The following CUL4A variants were observed in gnomAD, a reference collection of about 807,000 sequenced individuals.
CUL4A encodes the protein cullin 4A.
In CUL4A, 16 loss-of-function variants were observed where a neutral mutation model predicts 95.5. The observed-to-expected ratio is 0.17, with a 90% CI of 0.11 to 0.25. CUL4A has a LOEUF of 0.25. Ranked by LOEUF, CUL4A falls within the 10% of genes least tolerant of loss-of-function variation. CUL4A has a pLI of 1.00. For synonymous variants in CUL4A, 380 were observed against 353.1 expected, an observed-to-expected ratio of 1.08 and a Z score of -0.85; for missense variants, 610 against 937.0, an observed-to-expected ratio of 0.65 and a Z score of 4.56.
At chr13:113,214,157 C>T (rs986221974) in intron 2 of CUL4A, among the ~76,000 whole-genome samples, 3 of 152,184 alleles carry the variant, frequency 2.0e-5, no homozygotes, top group African/African-American at 7.2e-5. Context: ...GCTCACTCTC[C>T]CTCTACGTCT....
intron 15 of CUL4A, among the ~76,000 whole-genome samples, chr13:113,247,324 T>C (rs2041883417): frequency 6.6e-6 from 1 of 151,990 alleles, no homozygotes; most frequent in Admixed American, 6.6e-5. Context: ...CATCTAACAG[T>C]AGTAGAGTAG....
At position 113,232,205 on chromosome 13, in the gene CUL4A, C is replaced by T. The variant is rs1405340373; in HGVS notation, c.513-972C>T. Among the ~76,000 whole-genome samples, 13 of 31,970 alleles carry T rather than the reference C, an allele frequency of 4.1e-4. 3 individuals are homozygous for T. The highest frequency in any genetic ancestry group is 1.8e-3 in the African/African-American group (13 of 7,356). 21.0% of individuals were successfully genotyped at this position (31,970 alleles called of 152,430 possible). A position where few individuals can be genotyped will look rare whatever the true frequency, so the allele number is the denominator to read the frequency against. On this transcript the variant is annotated intron_variant, in intron 5 of 19. Coordinates refer to ENST00000375440, the MANE Select transcript of CUL4A (RefSeq NM_001008895.4). ...ATTACTGCTGCCACCACTACCCGCC[C>T]ACCACCATTACTGCTGCCACCACTA...
intron 10 of CUL4A, among the ~76,000 whole-genome samples, chr13:113,241,857 G>C (rs575627036): frequency 6.3e-4 from 96 of 152,210 alleles, no homozygotes; most frequent in Non-Finnish European, 1.1e-3. Context: ...GCGTGTGTGT[G>C]TGATGTGTGA....
chr13:113,233,283 G>A lies in CUL4A; in HGVS notation c.619G>A (p.Glu207Lys), dbSNP rs746392573. ...GCTGATCGAGCGCGAGAGGAGCGGC[G>A]AGGCCGTGGACCGGAGCCTGTTGCG... ...LLLIERERSGEAVDRSLLRSL... is the reference protein window; with the variant it reads ...LLLIERERSGKAVDRSLLRSL... The change falls in exon 6 of 20, where the codon GAG becomes AAG. Residue 207 changes from glutamate to lysine, a missense_variant. Physicochemically the swap from Glu to Lys is moderately conservative, Grantham distance 56. Transcript: ENST00000375440. The A allele has an allele frequency of 1.7e-5, 28 of 1,613,824 alleles. No individual in the cohort carries two copies. The highest frequency in any genetic ancestry group is 2.2e-5 in the East Asian group (1 of 44,876).
intron 15 of CUL4A, among the ~76,000 whole-genome samples, chr13:113,252,557 A>C (rs2042021316): frequency 6.6e-6 from 1 of 152,190 alleles, no homozygotes; most frequent in African/African-American, 2.4e-5. Context: ...TTCACCCAGA[A>C]ACTAATCATA....
intron 18 of CUL4A, among the ~76,000 whole-genome samples, chr13:113,255,475 G>C (rs2042097414): frequency 6.6e-6 from 1 of 152,044 alleles, no homozygotes; most frequent in Non-Finnish European, 1.5e-5. Flanking sequence ...TGTGGGTCTG[G>C]GTAAATGTAT....
chr13:113,231,017 C>G (rs2041292895), intron 5 of CUL4A, among the ~76,000 whole-genome samples: 1 of 152,168 alleles, frequency 6.6e-6, no homozygotes, highest in Non-Finnish European at 1.5e-5. Context: ...AAGCGATCCT[C>G]CCACCTCAGC....
At chr13:113,246,787 T>C (rs2041868927) in intron 15 of CUL4A, among the ~76,000 whole-genome samples, 1 of 152,186 alleles carries the variant, frequency 6.6e-6, no homozygotes, top group African/African-American at 2.4e-5. Flanking sequence ...ATTTATTTAA[T>C]CAAAGTTTTA....
chr13:113,221,570 T>C (rs182134695), intron 3 of CUL4A, among the ~76,000 whole-genome samples: 1 of 152,100 alleles, frequency 6.6e-6, no homozygotes, highest in Non-Finnish European at 1.5e-5. Flanking sequence ...TTTTGTTTTT[T>C]TGTGTTATTT....
intron 12 of CUL4A, 37 bp downstream of exon 12, chr13:113,244,551 A>C: frequency 1.3e-6 from 2 of 1,490,714 alleles, no homozygotes. Flanking sequence ...TGCATAATCA[A>C]GAGGTGTAAA....
chr13:113,233,137 C>G (rs372172396), intron 5 of CUL4A, 40 bp from the exon 6 acceptor site: 4 of 1,584,932 alleles, frequency 2.5e-6, no homozygotes, highest in Non-Finnish European at 3.4e-6. Flanking sequence ...TTCTAAAAAG[C>G]GAAACTAAAA....
At chr13:113,225,704 G>A (rs534863816) in intron 3 of CUL4A, among the ~76,000 whole-genome samples, 3 of 152,342 alleles carry the variant, frequency 2.0e-5, no homozygotes, top group Non-Finnish European at 4.4e-5. Flanking sequence ...GGTCCAGGCC[G>A]CAGTTCCCGT....
At chr13:113,235,814 C>CA (rs1407591054) in intron 8 of CUL4A, among the ~76,000 whole-genome samples, 6 of 151,814 alleles carry the variant, frequency 4.0e-5, no homozygotes, top group Admixed American at 1.3e-4. Flanking sequence ...ACTAACAATA[C>CA]AAAAAAATTA....
At chr13:113,209,838 C>G (rs1049298802) in intron 1 of CUL4A, 63 bp downstream of exon 1, 347 of 1,161,242 alleles carry the variant, frequency 3.0e-4, no homozygotes, top group Non-Finnish European at 3.6e-4. Flanking sequence ...AGACCCCGCC[C>G]GACTTGGGGG....
Position 113,220,445 on chromosome 13 carries a change from C to T in CUL4A, c.368+1397C>T, listed in dbSNP as rs1238078308. Among the ~76,000 whole-genome samples the T allele has an allele frequency of 2.2e-4, 33 of 152,218 alleles. 1 individual carries two copies. The highest frequency in any genetic ancestry group is 2.0e-3 in the Admixed American group (31 of 15,280). ...CCAAAGTGCACCTTATCTCAGGAGG[C>T]GCCTGTGAGGGCGCACAGAAGCAGG... On this transcript the variant is annotated intron_variant, in intron 3 of 19. Transcript: ENST00000375440.
intron 15 of CUL4A, among the ~76,000 whole-genome samples, chr13:113,246,293 C>G (rs926271251): frequency 6.6e-6 from 1 of 152,190 alleles, no homozygotes; most frequent in Non-Finnish European, 1.5e-5. Flanking sequence ...CTGCAGGGGG[C>G]CCATGAGCAC....
chr13:113,253,205 C>CT lies in CUL4A; in HGVS notation c.1752+11dup, dbSNP rs2042037477. Reference sequence around the variant, plus strand: ...AGCGGAGTTTAAAGAAGTAAGTTGTCTGTTTCATTTATTTTTTATTATTTG... The same window carrying CT: ...AGCGGAGTTTAAAGAAGTAAGTTGTCTTGTTTCATTTATTTTTTATTATTTG... On this transcript the variant is annotated intron_variant, in intron 16 of 19. Coordinates refer to ENST00000375440, the MANE Select transcript of CUL4A (RefSeq NM_001008895.4). 7.1e-7 allele frequency: 1 copy of CT among 1,416,308 alleles called. No homozygotes were observed. Among genetic ancestry groups the CT allele is most frequent in the Non-Finnish European group, 9.6e-7 (1 of 1,037,726 alleles). The allele number at this position is 1,416,308 out of a possible 1,614,324, so 87.7% of individuals were successfully genotyped here. A position where few individuals can be genotyped will look rare whatever the true frequency, so the allele number is the denominator to read the frequency against.
intron 2 of CUL4A, among the ~76,000 whole-genome samples, chr13:113,214,990 T>C (rs766773633): frequency 6.8e-6 from 1 of 146,120 alleles, no homozygotes; most frequent in East Asian, 2.2e-4. Context: ...TCTGTGTGGC[T>C]GTGGAGGTTG....
intron 3 of CUL4A, among the ~76,000 whole-genome samples, chr13:113,220,884 C>T (rs2040871798): frequency 6.6e-6 from 1 of 152,156 alleles, no homozygotes; most frequent in African/African-American, 2.4e-5. Flanking sequence ...CTGTATTTCC[C>T]TGGTGCAGTG....
Sources: gnomAD v4.1 joint callset for allele counts (sites outside exome capture counted in the v4.1 genomes callset) on GRCh38, gnomAD v4.1.1 for gene constraint, MANE v1.5 for transcripts, NCBI Gene and HGNC (gene_info 2026-07-23, HGNC 2026-07-21) for gene names.